HSPG2: variants seen among roughly 807,000 people sequenced by gnomAD.
The protein encoded by HSPG2 is heparan sulfate proteoglycan 2.
Under a neutral mutation model 526.6 loss-of-function variants are expected in HSPG2, and 278 were observed. The observed-to-expected ratio is 0.53, with a 90% confidence interval of 0.48 to 0.58. HSPG2 has a LOEUF of 0.58. HSPG2 is among the 20% of genes least tolerant of loss of function. The pLI is 0.00. For synonymous variants in HSPG2, 2,465 were observed against 2,555.4 expected (o/e 0.96, Z 1.07); for missense variants, 5,354 against 6,099.5 (o/e 0.88, Z 4.07).
At chr1:21,825,285 T>G (rs2097967572) in intron 91 of HSPG2, 2 of 182,192 alleles carry the variant, frequency 1.1e-5, no homozygotes, top group African/African-American at 4.7e-5. Context: ...TATTTTATTT[T>G]ATTTTATTTT....
rs3738093 is a variant in HSPG2, at chr1:21,835,755, A to C, written c.10356-118T>G. ...TCCCAGCACTTTGGGAGGCTGAGGC[A>C]GGCGCATCACTTGAGATCAGGAGCT... On this transcript the variant is annotated intron_variant, in intron 75 of 96. Coordinates refer to ENST00000374695, the MANE Select transcript of HSPG2 (RefSeq NM_005529.7). 20,707 of 717,652 alleles carry C rather than the reference A, an allele frequency of 0.029. 457 individuals carry two copies. Among genetic ancestry groups the C allele is most frequent in the South Asian group, 0.064 (4,279 of 66,976 alleles). The allele number at this position is 717,652 out of a possible 1,614,324, so 44.5% of individuals were successfully genotyped here. A position where few individuals can be genotyped will look rare whatever the true frequency, so the allele number is the denominator to read the frequency against.
chr1:21,896,090 G>A (rs1051174729), intron 2 of HSPG2, 85 bp downstream of exon 2: 20 of 1,605,156 alleles, frequency 1.2e-5, no homozygotes, highest in South Asian at 7.7e-5. Context: ...CGGAATGGTC[G>A]GTCACCCTCC....
At position 21,824,895 on chromosome 1, in the gene HSPG2, G is replaced by A. The variant is rs1460243154; in HGVS notation, c.12590-116C>T. The A allele has an allele frequency of 1.0e-5, 10 of 972,622 alleles. No individual in the cohort carries two copies. Among genetic ancestry groups the A allele is most frequent in the Non-Finnish European group, 1.6e-5 (10 of 622,668 alleles). 60.2% of individuals were successfully genotyped at this position (972,622 alleles called of 1,614,324 possible). On this transcript the variant is annotated intron_variant, in intron 91 of 96. Coordinates refer to ENST00000374695, the MANE Select transcript of HSPG2 (RefSeq NM_005529.7). The surrounding 1 kb of genome is among the most constrained non-coding windows in gnomAD (Gnocchi z 5.9). Reference sequence around the variant, plus strand: ...TGCAGGACTAGGGGGCTCCGAGCCTGCAGTCCCTGGGGACCCACGGGGGCT... The same window carrying A: ...TGCAGGACTAGGGGGCTCCGAGCCTACAGTCCCTGGGGACCCACGGGGGCT...
In HSPG2 at chr1:21,852,595, C is replaced by T. The variant is rs536003926; in HGVS notation, c.6724+105G>A. 2,312 of 1,493,528 alleles carry T rather than the reference C, an allele frequency of 1.5e-3. 10 individuals carry two copies. Among genetic ancestry groups the T allele is most frequent in the Non-Finnish European group, 2.0e-3 (2,187 of 1,076,290 alleles). The allele number at this position is 1,493,528 out of a possible 1,614,324, so 92.5% of individuals were successfully genotyped here. The stretch of plus-strand genomic sequence containing the variant: ...CTGGGCAGGGCCCTGCAGCCAGCTC[C>T]GGTGTGGGCCTTCTGCCCTGTCAGC... On this transcript the variant is annotated intron_variant, in intron 52 of 96. Transcript: ENST00000374695.
At chr1:21,924,800 G>A (rs533217825) in intron 1 of HSPG2, among the ~76,000 whole-genome samples, 35 of 152,258 alleles carry the variant, frequency 2.3e-4, no homozygotes, top group African/African-American at 8.2e-4. Flanking sequence ...TGGACAATGT[G>A]AGTCCAGGGA....
chr1:21,854,614 G>C lies in HSPG2; in HGVS notation c.6285C>G (p.Thr2095=). 7 of 1,562,300 alleles carry C rather than the reference G, an allele frequency of 4.5e-6. No homozygotes were observed. The highest frequency in any genetic ancestry group is 6.1e-6 in the Non-Finnish European group (7 of 1,151,408). The change falls in exon 49 of 97, where the codon ACC becomes ACG. Residue 2095 remains threonine (T), a synonymous_variant. Coordinates refer to ENST00000374695, the MANE Select transcript of HSPG2 (RefSeq NM_005529.7). ...CATAGGCTCAGGGCCCACATACCTG[G>C]GTGTGGGGAGGCAGGCTACCCCCTC... ...YRRGGSLPPH[T]QVHGSRLRLP...
In HSPG2 at chr1:21,861,802, C is replaced by T. The variant is rs146586681; in HGVS notation, c.4910G>A (p.Arg1637His). Reference sequence around the variant, plus strand: ...GTAGCCGGGTTCGCAGGCCGTGCAGCGGTACCCGCCGGCTCCCAGGCTCTC... The same window carrying T: ...GTAGCCGGGTTCGCAGGCCGTGCAGTGGTACCCGCCGGCTCCCAGGCTCTC... ...TCESLGAGGY[R>H]CTACEPGYTG... The change falls in exon 39 of 97, where the codon CGC becomes CAC. Residue 1637 changes from arginine to histidine, a missense_variant. Physicochemically the swap from Arg to His is conservative, Grantham distance 29. Transcript: ENST00000374695. 8.5e-5 allele frequency: 137 copies of T among 1,613,516 alleles called. 1 individual carries two copies. Among genetic ancestry groups the T allele is most frequent in the Middle Eastern group, 1.6e-4 (1 of 6,084 alleles).
chr1:21,906,354 A>AGCGCTTGTTCCCGTGG (rs2152782842), intron 1 of HSPG2, among the ~76,000 whole-genome samples: 1 of 152,318 alleles, frequency 6.6e-6, no homozygotes, highest in Non-Finnish European at 1.5e-5. Flanking sequence ...GACTGTACTC[A>AGCGCTTGTTCCCGTGG]GCGCTTGTTC....
In HSPG2 at chr1:21,822,789, G is replaced by A. The variant is rs2097955366; in HGVS notation, c.*527C>T. 1 of 160,680 alleles carries A rather than the reference G, an allele frequency of 6.2e-6. No individual in the cohort carries two copies. 10.0% of individuals were successfully genotyped at this position (160,680 alleles called of 1,614,324 possible). ...GGTGGGTGGGGGTGCTGAAAAACGA[G>A]CTGGTGGGGATGGGGACCGCCTGCC... On this transcript the variant is annotated 3_prime_UTR_variant, in exon 97 of 97. Transcript: ENST00000374695.
chr1:21,884,184 A>AC (rs1023716967), intron 13 of HSPG2, among the ~76,000 whole-genome samples: 1 of 151,704 alleles, frequency 6.6e-6, no homozygotes, highest in East Asian at 1.9e-4. Context: ...ATTATTCCAC[A>AC]CCCCCCGACT....
intron 42 of HSPG2, among the ~76,000 whole-genome samples, chr1:21,857,996 G>A (rs1639476696): frequency 1.3e-5 from 2 of 152,170 alleles, no homozygotes; most frequent in African/African-American, 4.8e-5. Context: ...CTTCTCATGC[G>A]ATCACTTCGG....
chr1:21,851,922 C>T lies in HSPG2; in HGVS notation c.6875G>A (p.Arg2292His), dbSNP rs375495639. ...CTGGAAGATGTACAGGCGGGAGCCA[C>T]GAACCTGGGCAGCCGTGGGCAGAGG... The part of the protein sequence containing the change: ...GGSLPARHQV[R>H]GSRLYIFQAS... Residue 2292 changes from arginine to histidine, a missense_variant, in exon 54 of 97, where the codon CGT becomes CAT. Transcript: ENST00000374695. 11 of 1,602,112 alleles carry T rather than the reference C, an allele frequency of 6.9e-6. No individual in the cohort carries two copies. The highest frequency in any genetic ancestry group is 4.0e-5 in the African/African-American group (3 of 74,680).
chr1:21,876,140 C>A (rs1194412347), intron 23 of HSPG2, 89 bp downstream of exon 23: 2 of 1,567,194 alleles, frequency 1.3e-6, no homozygotes, highest in Non-Finnish European at 8.7e-7. Context: ...ACTATTCTCC[C>A]AAGGCACCAC....
intron 1 of HSPG2, among the ~76,000 whole-genome samples, chr1:21,915,902 T>A (rs905104680): frequency 1.3e-5 from 2 of 150,506 alleles, no homozygotes; most frequent in East Asian, 2.0e-4. Flanking sequence ...ATAAAAAAAA[T>A]TAGCTGGGCG....
rs2098049027 is a variant in HSPG2, at chr1:21,841,672, G to T, written c.9195C>A (p.Asp3065Glu). The T allele has an allele frequency of 6.2e-7, 1 of 1,614,158 alleles. No homozygotes were observed. The highest frequency in any genetic ancestry group is 8.5e-7 in the Non-Finnish European group (1 of 1,180,022). Residue 3065 changes from aspartate (D) to glutamate (E), a missense_variant and splice_region_variant, in exon 70 of 97, where the codon GAC (aspartate) becomes GAA (glutamate). By Grantham distance (45) the Asp-to-Glu change is conservative. Coordinates refer to ENST00000374695, the MANE Select transcript of HSPG2 (RefSeq NM_005529.7). The part of the protein sequence containing the change: ...EWKTRNQELE[D>E]NVHISPNGSI... ...AGCCATTGGGACTGATGTGGACGTTGTCTGTGAGGTTGCATGGGGGAGGGT... is the reference window on the plus strand; with the variant it reads ...AGCCATTGGGACTGATGTGGACGTTTTCTGTGAGGTTGCATGGGGGAGGGT...
chr1:21,838,960 G>C lies in HSPG2; in HGVS notation c.10015C>G (p.Leu3339Val). Reference protein sequence around the residue: ...TFQWSRVGSSLPGRATARNEL... With the variant: ...TFQWSRVGSSVPGRATARNEL... ...TTCCTGGCGGTCGCCCTCCCAGGAA[G>C]GCTGCTGCCCACGCGGCTCCACTGG... The change falls in exon 74 of 97, where the codon CTT becomes GTT. Residue 3339 changes from leucine to valine, a missense_variant. By Grantham distance (32) the Leu-to-Val change is conservative. Coordinates refer to ENST00000374695, the MANE Select transcript of HSPG2 (RefSeq NM_005529.7). 6.2e-7 allele frequency: 1 copy of C among 1,612,820 alleles called. No homozygotes were observed. Among genetic ancestry groups the C allele is most frequent in the Non-Finnish European group, 8.5e-7 (1 of 1,179,272 alleles).
intron 80 of HSPG2, chr1:21,833,005 A>C (rs1398147534): frequency 1.2e-5 from 7 of 570,126 alleles, no homozygotes. Context: ...AAGCTGGGAC[A>C]GGAGGACTGG....
Position 21,885,454 on chromosome 1 carries a change from G to C in HSPG2, c.1079-3C>G. On this transcript the variant is annotated splice_polypyrimidine_tract_variant and splice_region_variant and intron_variant, in intron 9 of 96. Transcript: ENST00000374695. ...CACTTCCTCAGGACGCTTGGTGGCT[G>C]GGGACAAAGCCAGGTGGTTCCCAAT... is the stretch of plus-strand genomic sequence containing the variant. 6.2e-7 allele frequency: 1 copy of C among 1,613,882 alleles called. No individual in the cohort carries two copies. The highest frequency in any genetic ancestry group is 8.5e-7 in the Non-Finnish European group (1 of 1,179,964).
rs547010628 is a variant in HSPG2 at position 21,857,275 on chromosome 1, A to T, written c.5394+10T>A. 1 of 1,613,964 alleles carries T rather than the reference A, an allele frequency of 6.2e-7. No individual in the cohort carries two copies. The highest frequency in any genetic ancestry group is 1.7e-5 in the Admixed American group (1 of 60,010). ...AGACTTCCTCCATCCCCACTCCCTGACCTGCACACCTTGCTTTTGGCTGTG... is the reference window on the plus strand; with the variant it reads ...AGACTTCCTCCATCCCCACTCCCTGTCCTGCACACCTTGCTTTTGGCTGTG... On this transcript the variant is annotated intron_variant, in intron 43 of 96. Transcript: ENST00000374695.
Sources: allele counts gnomAD v4.1 joint callset (sites outside exome capture counted in the v4.1 genomes callset), GRCh38; gene constraint gnomAD v4.1.1; non-coding constraint Gnocchi (gnomAD v3.1); transcripts MANE v1.5; gene names NCBI Gene and HGNC (gene_info 2026-07-23, HGNC 2026-07-21).